The following ACO1 variants were observed in gnomAD, a reference collection of about 807,000 sequenced individuals.
The protein encoded by ACO1 is aconitase 1.
A neutral mutation model predicts 105.1 loss-of-function variants in ACO1; 78 were observed. The ratio of observed to expected loss-of-function variants is 0.74; its 90% CI spans 0.62 to 0.90. The LOEUF (loss-of-function observed/expected upper bound fraction) is 0.90, where lower values mean the gene tolerates loss of function less well. Among genes scored for constraint, ACO1 ranks in the 40% least tolerant of loss-of-function variants. The probability of loss-of-function intolerance (pLI) is 0.00; values close to 1 mark genes in which losing one functional copy is unlikely to be tolerated. For synonymous variants in ACO1, 364 were observed against 397.4 expected, an observed-to-expected ratio of 0.92 and a Z score of 1.00; for missense variants, 965 against 1,111.1, an observed-to-expected ratio of 0.87 and a Z score of 1.87.
At chr9:32,430,880 A>G (rs985639184) in intron 14 of ACO1, among the ~76,000 whole-genome samples, 8 of 152,160 alleles carry the variant, frequency 5.3e-5, no homozygotes, top group East Asian at 1.9e-4. Context: ...CATTGTTTCA[A>G]TATATACTCT....
intron 1 of ACO1, 31 bp downstream of exon 1, chr9:32,384,766 C>A: frequency 2.7e-6 from 1 of 366,446 alleles, no homozygotes; most frequent in Non-Finnish European, 5.6e-6. Context: ...ACCCACGTCC[C>A]CAGGCGGGAG....
chr9:32,420,774 T>G (rs1821955240), intron 7 of ACO1, 82 bp from the exon 8 acceptor site: 1 of 1,454,144 alleles, frequency 6.9e-7, no homozygotes, highest in African/African-American at 1.4e-5. Context: ...AAGACTAGTT[T>G]ATAAGAAGTG....
At chr9:32,417,026 CT>C (rs1357370767) in intron 4 of ACO1, among the ~76,000 whole-genome samples, 3 of 152,186 alleles carry the variant, frequency 2.0e-5, no homozygotes, top group African/African-American at 7.2e-5. Context: ...TCGCTGTTAA[CT>C]ATGACGGGAA....
intron 3 of ACO1, among the ~76,000 whole-genome samples, 160 bp from the exon 4 acceptor site, chr9:32,408,354 G>A (rs754918154): frequency 2.6e-5 from 4 of 152,296 alleles, no homozygotes; most frequent in Non-Finnish European, 5.9e-5. Flanking sequence ...TCTGCCTGAG[G>A]AAATACGCTT....
rs200265624 is a variant in ACO1, at chr9:32,418,314, T to C, written c.475-14T>C. On this transcript the variant is annotated splice_polypyrimidine_tract_variant and intron_variant, in intron 5 of 20. Coordinates refer to ENST00000309951, the MANE Select transcript of ACO1 (RefSeq NM_002197.3). ...TCACGCGTTCATAGTGTTCTTTCCATTTGTCAATCCCAGTGGGGTTCCCAG... is the reference window on the plus strand; with the variant it reads ...TCACGCGTTCATAGTGTTCTTTCCACTTGTCAATCCCAGTGGGGTTCCCAG... 1.1e-5 allele frequency: 18 copies of C among 1,613,794 alleles called. No individual in the cohort carries two copies. Among genetic ancestry groups the C allele is most frequent in the Non-Finnish European group, 1.5e-5 (18 of 1,179,874 alleles).
intron 1 of ACO1, among the ~76,000 whole-genome samples, chr9:32,399,871 G>T (rs1821451304): frequency 6.6e-6 from 1 of 151,086 alleles, no homozygotes; most frequent in Non-Finnish European, 1.5e-5. Flanking sequence ...GTAAATCATG[G>T]TATTACAAAG....
intron 19 of ACO1, chr9:32,445,625 T>C (rs1171597176): frequency 1.9e-5 from 5 of 267,888 alleles, no homozygotes; most frequent in South Asian, 2.9e-5. Flanking sequence ...CAGTTCTGCT[T>C]TGATCTTAGT....
intron 1 of ACO1, among the ~76,000 whole-genome samples, chr9:32,395,436 A>G (rs972753107): frequency 6.6e-6 from 1 of 152,144 alleles, no homozygotes; most frequent in African/African-American, 2.4e-5. Context: ...AGATTACGCC[A>G]CTGCATTCCA....
At chr9:32,445,929 T>C (rs554784949) in intron 19 of ACO1, 1 of 152,416 alleles carries the variant, frequency 6.6e-6, no homozygotes, top group East Asian at 1.9e-4. Flanking sequence ...TTTGAGTGAG[T>C]TTCTTAATCC....
chr9:32,386,954 A>G (rs1361736140), intron 1 of ACO1, among the ~76,000 whole-genome samples: 2 of 152,186 alleles, frequency 1.3e-5, no homozygotes, highest in East Asian at 1.9e-4. Context: ...ATATAGTCAG[A>G]GTGTGTACAT....
In ACO1 at chr9:32,424,563, T is replaced by C. The variant is rs767294022; in HGVS notation, c.1086T>C (p.Asp362=). The C allele has an allele frequency of 2.5e-6, 4 of 1,612,766 alleles. No homozygotes were observed. Among genetic ancestry groups the C allele is most frequent in the Middle Eastern group, 1.7e-4 (1 of 6,056 alleles). ...DPDFTQVVEL[D]LKTVVPCCSG... ...GGGGTCAACAGGTTGTGGAATTAGA[T>C]TTGAAAACAGTAGTGCCTTGCTGTA... Residue 362 remains aspartate, a synonymous_variant, in exon 10 of 21, where the codon GAT becomes GAC. Transcript: ENST00000309951.
intron 10 of ACO1, among the ~76,000 whole-genome samples, chr9:32,425,586 A>C (rs1443785703): frequency 1.3e-5 from 2 of 152,226 alleles, no homozygotes; most frequent in African/African-American, 4.8e-5. Flanking sequence ...TTCAGTGCAG[A>C]GTAAGACTCA....
At position 32,450,188 on chromosome 9, in the gene ACO1, C is replaced by A. The variant is rs543123930; in HGVS notation, c.*77C>A. The stretch of plus-strand genomic sequence containing the variant: ...CGCAGGCCCTGGTGGAGAGGCCTCC[C>A]TGGCTGCCTCTGGGAGGGGTGCTGC... On this transcript the variant is annotated 3_prime_UTR_variant, in exon 21 of 21. Coordinates refer to ENST00000309951, the MANE Select transcript of ACO1 (RefSeq NM_002197.3). 69 of 1,170,478 alleles carry A rather than the reference C, an allele frequency of 5.9e-5. 2 individuals are homozygous for A. The South Asian group carries it at 8.2e-4, about 14-fold the overall frequency. 72.5% of individuals were successfully genotyped at this position (1,170,478 alleles called of 1,614,324 possible).
At chr9:32,446,294 T>G (rs919732122) in intron 19 of ACO1, among the ~76,000 whole-genome samples, 3 of 152,138 alleles carry the variant, frequency 2.0e-5, no homozygotes, top group Non-Finnish European at 4.4e-5. Flanking sequence ...TGCATATATA[T>G]TTAGGATAGT....
At position 32,446,724 on chromosome 9, in the gene ACO1, G is replaced by A. The variant is rs143441667; in HGVS notation, c.2371-2172G>A. ...GTATGTTTCTGCAGTGACTGGTATC[G>A]GTTTTTCCTTTCCATGTTCATTGCT... is the stretch of plus-strand genomic sequence containing the variant. On this transcript the variant is annotated intron_variant, in intron 19 of 20. Coordinates refer to ENST00000309951, the MANE Select transcript of ACO1 (RefSeq NM_002197.3). 3.1e-3 allele frequency among the ~76,000 whole-genome samples: 475 copies of A among 152,236 alleles called. 3 individuals carry two copies. Among genetic ancestry groups the A allele is most frequent in the Non-Finnish European group, 6.0e-3 (407 of 68,000 alleles).
rs745525671 is a variant in ACO1 at position 32,448,965 on chromosome 9, A to C, written c.2440A>C (p.Ile814Leu). 2 of 1,614,196 alleles carry C rather than the reference A, an allele frequency of 1.2e-6. No individual in the cohort carries two copies. The highest frequency in any genetic ancestry group is 2.2e-5 in the South Asian group (2 of 91,078). Residue 814 changes from isoleucine to leucine, a missense_variant, in exon 20 of 21, where the codon ATC becomes CTC. Transcript: ENST00000309951. The part of the protein sequence containing the change: ...HRSNLVGMGV[I>L]PLEYLPGENA... ...CAGTAACCTGGTTGGGATGGGTGTG[A>C]TCCCACTTGAATATCTCCCTGGTGA...
intron 1 of ACO1, among the ~76,000 whole-genome samples, chr9:32,405,061 ACC>A (rs1186954900): frequency 6.6e-6 from 1 of 152,156 alleles, no homozygotes; most frequent in Non-Finnish European, 1.5e-5. Flanking sequence ...TGGGTCAGAC[ACC>A]TTTCCTCTCT....
chr9:32,428,343 T>C (rs1252010337), intron 12 of ACO1, among the ~76,000 whole-genome samples: 1 of 151,380 alleles, frequency 6.6e-6, no homozygotes, highest in African/African-American at 2.4e-5. Flanking sequence ...CGGGTCAGGA[T>C]TGTCAGTATT....
At chr9:32,416,456 C>G (rs1821852271) in intron 4 of ACO1, among the ~76,000 whole-genome samples, 1 of 152,226 alleles carries the variant, frequency 6.6e-6, no homozygotes, top group South Asian at 2.1e-4. Context: ...CAAGGAGTGT[C>G]TGCCCATCTT....
Sources: allele counts gnomAD v4.1 joint callset (sites outside exome capture counted in the v4.1 genomes callset), GRCh38; gene constraint gnomAD v4.1.1; transcripts MANE v1.5; gene names NCBI Gene and HGNC (gene_info 2026-07-23, HGNC 2026-07-21).